The following PRPSAP1 variants were observed in gnomAD, a reference collection of about 807,000 sequenced individuals.
The protein encoded by PRPSAP1 is phosphoribosyl pyrophosphate synthase-associated protein 1.
PRPSAP1 carries 31 observed loss-of-function variants against 39.4 expected under a neutral mutation model. That is an observed-to-expected ratio of 0.79 (90% CI 0.59 to 1.06). The LOEUF (loss-of-function observed/expected upper bound fraction) is 1.06, where lower values mean the gene tolerates loss of function less well. PRPSAP1 is among the 50% of genes least tolerant of loss of function. PRPSAP1 has a pLI of 0.00. For missense variants in PRPSAP1, 430 were observed against 511.6 expected, an observed-to-expected ratio of 0.84 and a Z score of 1.54; for synonymous variants, 212 against 192.6, an observed-to-expected ratio of 1.10 and a Z score of -0.83.
intron 7 of PRPSAP1, among the ~76,000 whole-genome samples, chr17:76,321,576 C>T (rs937456119): frequency 2.0e-5 from 3 of 152,100 alleles, no homozygotes; most frequent in African/African-American, 7.2e-5. Context: ...CTGACTGCTC[C>T]ACTGACCTGC....
intron 7 of PRPSAP1, among the ~76,000 whole-genome samples, chr17:76,324,996 G>C (rs438481): frequency 6.7e-6 from 1 of 150,188 alleles, no homozygotes; most frequent in Non-Finnish European, 1.5e-5. Flanking sequence ...TGAACCTGGG[G>C]GGTGGAGCTT....
intron 3 of PRPSAP1, among the ~76,000 whole-genome samples, chr17:76,344,083 A>G (rs1451255527): frequency 6.7e-6 from 1 of 149,510 alleles, no homozygotes; most frequent in Non-Finnish European, 1.5e-5. Flanking sequence ...CAGCTGGACT[A>G]CAGGCGCATG....
At chr17:76,340,741 T>C (rs2071427115) in intron 3 of PRPSAP1, among the ~76,000 whole-genome samples, 1 of 151,774 alleles carries the variant, frequency 6.6e-6, no homozygotes, top group African/African-American at 2.4e-5. Context: ...AAATACAAAA[T>C]TAGCCGGGCG....
At chr17:76,332,832 C>A (rs1043895540) in intron 3 of PRPSAP1, among the ~76,000 whole-genome samples, 5 of 152,132 alleles carry the variant, frequency 3.3e-5, no homozygotes, top group African/African-American at 1.2e-4. Context: ...TTCCATTTAG[C>A]TGCCATTAAC....
chr17:76,326,576 C>T (rs367851767), intron 7 of PRPSAP1, among the ~76,000 whole-genome samples: 1 of 152,136 alleles, frequency 6.6e-6, no homozygotes, highest in African/African-American at 2.4e-5. Context: ...AAGGGAGAGT[C>T]TACAAAATCA....
chr17:76,345,466 CA>C (rs1264967640), intron 2 of PRPSAP1, among the ~76,000 whole-genome samples: 5 of 151,570 alleles, frequency 3.3e-5, no homozygotes, highest in Non-Finnish European at 5.9e-5. Flanking sequence ...GATTCTATCT[CA>C]AAAAAATAAT....
chr17:76,313,218 C>T (rs533613400), intron 8 of PRPSAP1: 17 of 523,628 alleles, frequency 3.2e-5, no homozygotes, highest in African/African-American at 1.2e-4. Context: ...CTGTCAGAGG[C>T]GGGCGCAGTC....
intron 2 of PRPSAP1, among the ~76,000 whole-genome samples, chr17:76,346,737 A>T (rs1273171154): frequency 6.6e-6 from 1 of 152,226 alleles, no homozygotes; most frequent in Admixed American, 6.6e-5. Flanking sequence ...TTGTGCACTG[A>T]AAAAGGGAGT....
chr17:76,322,718 G>A (rs2071211180), intron 7 of PRPSAP1, among the ~76,000 whole-genome samples: 1 of 152,090 alleles, frequency 6.6e-6, no homozygotes, highest in Admixed American at 6.5e-5. Context: ...GGGCACAGTG[G>A]CTCATACCTC....
rs531113654 is a variant in PRPSAP1, at chr17:76,321,962, G to A, written c.781+6755C>T. On this transcript the variant is annotated intron_variant, in intron 7 of 9. Transcript: ENST00000446526. ...CCCTTAAGCCAAAGCCTAATCCAGA[G>A]CAAGGCTTTTTCATGAAGTTTAAGG... Among the ~76,000 whole-genome samples, 5 of 152,304 alleles carry A rather than the reference G, an allele frequency of 3.3e-5. No individual in the cohort carries two copies. In the South Asian group the frequency reaches 8.3e-4, roughly 25 times the overall value.
chr17:76,311,484 T>C lies in PRPSAP1; in HGVS notation c.*58A>G. 3.2e-6 allele frequency: 5 copies of C among 1,561,368 alleles called. No homozygotes were observed. In the South Asian group the frequency reaches 4.8e-5, roughly 15 times the overall value. ...TTGCAAGGAAACACTGTATCACTCA[T>C]GGCACTGCTTTTTCCATGTTTCCCT... On this transcript the variant is annotated 3_prime_UTR_variant, in exon 10 of 10. Transcript: ENST00000446526.
rs371577670 is a variant in PRPSAP1, at chr17:76,330,117, T to G, written c.580-19A>C. On this transcript the variant is annotated intron_variant, in intron 5 of 9. Coordinates refer to ENST00000446526, the MANE Select transcript of PRPSAP1 (RefSeq NM_002766.3). ...TTGGAATCTAGATTTGAAGGAAAAA[T>G]AGAAAATACTGAAAAGTTATCAGAA... 6.2e-7 allele frequency: 1 copy of G among 1,600,404 alleles called. No individual in the cohort carries two copies.
At chr17:76,331,873 G>A in intron 4 of PRPSAP1, among the ~76,000 whole-genome samples, 1 of 152,064 alleles carries the variant, frequency 6.6e-6, no homozygotes, top group South Asian at 2.1e-4. Flanking sequence ...GGGGGAGAGG[G>A]AGTAAAAGAA....
chr17:76,353,666 G>T lies in PRPSAP1; in HGVS notation c.38C>A (p.Ala13Glu). 6.6e-7 allele frequency: 1 copy of T among 1,523,770 alleles called. No homozygotes were observed. Among genetic ancestry groups the T allele is most frequent in the Non-Finnish European group, 8.8e-7 (1 of 1,140,616 alleles). 94.4% of individuals were successfully genotyped at this position (1,523,770 alleles called of 1,614,324 possible). A position where few individuals can be genotyped will look rare whatever the true frequency, so the allele number is the denominator to read the frequency against. Residue 13 changes from alanine to glutamate, a missense_variant, in exon 1 of 10, where the codon GCG becomes GAG. Ala to Glu is a moderately radical substitution (Grantham distance 107). This residue lies in a region of PRPSAP1 where 152 missense variants were observed against 135.2 expected (regional missense o/e 1.12). Coordinates refer to ENST00000446526, the MANE Select transcript of PRPSAP1 (RefSeq NM_002766.3). ...KKLLLLPPPS[A>E]SSAFRVPRAR... ...GCGCGGGACGCGGAAAGCCGAGGAC[G>T]CGGAGGGCGGGGGCAACAGCAGCAG...
chr17:76,340,859 G>A (rs533201779), intron 3 of PRPSAP1, among the ~76,000 whole-genome samples: 10 of 142,004 alleles, frequency 7.0e-5, no homozygotes, highest in African/African-American at 2.1e-4. Context: ...CCGAGATCGC[G>A]CCATTGCACT....
chr17:76,351,737 A>G (rs1166064799), intron 1 of PRPSAP1, among the ~76,000 whole-genome samples: 3 of 152,210 alleles, frequency 2.0e-5, no homozygotes, highest in Non-Finnish European at 4.4e-5. Flanking sequence ...CAAGTAAAAC[A>G]GGTAAGGGAA....
upstream of PRPSAP1, chr17:76,353,981 G>A (rs541573253): frequency 4.4e-5 from 57 of 1,283,580 alleles, 1 homozygote; most frequent in South Asian, 8.8e-4. Flanking sequence ...CCGCCATCTC[G>A]GATGAGGGCA....
chr17:76,343,318 C>T (rs2143535318), intron 3 of PRPSAP1, among the ~76,000 whole-genome samples: 1 of 152,340 alleles, frequency 6.6e-6, no homozygotes, highest in South Asian at 2.1e-4. Context: ...CAGGTGTCAG[C>T]CCCCTGCCCT....
chr17:76,313,038 T>G (rs372203099), intron 8 of PRPSAP1, 22 bp from the exon 9 acceptor site: 2 of 1,610,720 alleles, frequency 1.2e-6, no homozygotes, highest in Non-Finnish European at 1.7e-6. Flanking sequence ...ACAGAGTGAG[T>G]TGGTAGGAAA....
Sources: allele counts gnomAD v4.1 joint callset (sites outside exome capture counted in the v4.1 genomes callset), GRCh38; gene constraint gnomAD v4.1.1; regional missense constraint gnomAD v4.1.1; transcripts MANE v1.5; gene names NCBI Gene and HGNC (gene_info 2026-07-23, HGNC 2026-07-21).